RSPH14: variants seen among roughly 807,000 people sequenced by gnomAD.
The protein encoded by RSPH14 is radial spoke head 14 homolog.
In RSPH14, 20 loss-of-function variants were observed where a neutral mutation model predicts 26.7. That is an observed-to-expected ratio of 0.75 (90% CI 0.53 to 1.09). The LOEUF (loss-of-function observed/expected upper bound fraction) is 1.09. RSPH14 is among the 50% of genes least tolerant of loss of function. The probability of loss-of-function intolerance (pLI) is 0.00; values close to 1 mark genes in which losing one functional copy is unlikely to be tolerated. For missense variants in RSPH14, 449 were observed against 457.2 expected (o/e 0.98, Z 0.16); for synonymous variants, 177 against 189.3 (o/e 0.93, Z 0.53).
At chr22:23,065,123 A>C (rs9624019) in intron 4 of RSPH14, among the ~76,000 whole-genome samples, 28,282 of 152,134 alleles carry the variant, frequency 0.19, 3,456 homozygotes, top group East Asian at 0.35. Context: ...TAAACCCTCT[A>C]ATTTACTCTA....
At chr22:23,080,817 T>A (rs565028797) in intron 4 of RSPH14, among the ~76,000 whole-genome samples, 1 of 152,352 alleles carries the variant, frequency 6.6e-6, no homozygotes, top group South Asian at 2.1e-4. Context: ...TGAGGAAATC[T>A]TGGCGCGCAA....
intron 4 of RSPH14, among the ~76,000 whole-genome samples, chr22:23,115,524 G>A (rs939517119): frequency 5.9e-5 from 9 of 152,164 alleles, no homozygotes; most frequent in Non-Finnish European, 1.0e-4. Context: ...AGGGGGTCTC[G>A]GGTTGCCCAG....
chr22:23,079,664 G>C (rs1488334073), intron 4 of RSPH14, among the ~76,000 whole-genome samples: 1 of 152,218 alleles, frequency 6.6e-6, no homozygotes, highest in Non-Finnish European at 1.5e-5. Flanking sequence ...GGCACAGGGG[G>C]CTGGAGACAG....
chr22:23,119,656 T>C (rs896846231), intron 4 of RSPH14, among the ~76,000 whole-genome samples: 2 of 152,202 alleles, frequency 1.3e-5, no homozygotes, highest in Non-Finnish European at 2.9e-5. Flanking sequence ...GTGGAGCCCA[T>C]GTGCAGTGAA....
the RSPH14 span, chr22:23,161,004 T>A: frequency 3.8e-6 from 6 of 1,599,032 alleles, no homozygotes; most frequent in South Asian, 6.6e-5. Flanking sequence ...AATCCGTGAG[T>A]ATAGGTGTGA....
intron 4 of RSPH14, 72 bp from the exon 5 acceptor site, chr22:23,064,205 G>A: frequency 7.1e-7 from 1 of 1,400,318 alleles, no homozygotes; most frequent in African/African-American, 1.4e-5. Flanking sequence ...TGGCCTGCAG[G>A]GCTCAAGGAG....
At chr22:23,146,919 C>A (rs540327609), upstream of RSPH14, among the ~76,000 whole-genome samples, 1 of 152,270 alleles carries the variant, frequency 6.6e-6, no homozygotes, top group South Asian at 2.1e-4. Context: ...GATTTTGCAG[C>A]CAGACAGTCC....
At chr22:23,144,367 G>A (rs1716481254), upstream of RSPH14, among the ~76,000 whole-genome samples, 1 of 152,192 alleles carries the variant, frequency 6.6e-6, no homozygotes. Flanking sequence ...TTCAGTACAT[G>A]TAGGACAAAT....
intron 4 of RSPH14, chr22:23,095,990 G>A (rs1458257062): frequency 7.5e-6 from 12 of 1,609,638 alleles, no homozygotes; most frequent in East Asian, 2.2e-5. Flanking sequence ...CCACAACCCC[G>A]ACCGCGCCTA....
the RSPH14 span, chr22:23,150,304 C>CA: frequency 2.2e-6 from 1 of 444,524 alleles, no homozygotes; most frequent in Non-Finnish European, 4.1e-6. Flanking sequence ...TTTTTTTTTT[C>CA]TTTTTTTTTT....
intron 4 of RSPH14, among the ~76,000 whole-genome samples, chr22:23,129,984 CAA>C (rs1310819539): frequency 3.0e-3 from 357 of 118,110 alleles, no homozygotes; most frequent in African/African-American, 0.011. Context: ...GAGAAAGAGA[CAA>C]AGAGAGAAAG....
intron 4 of RSPH14, among the ~76,000 whole-genome samples, chr22:23,092,439 G>A (rs992009848): frequency 1.3e-4 from 20 of 152,098 alleles, no homozygotes; most frequent in African/African-American, 4.8e-4. Flanking sequence ...AATTCTGGGT[G>A]GGGCCTTCTG....
chr22:23,146,036 C>G (rs1272015881), upstream of RSPH14: 2 of 983,874 alleles, frequency 2.0e-6, no homozygotes, highest in Non-Finnish European at 2.4e-6. Flanking sequence ...GTAAGGTAAG[C>G]TCAGAGGGGA....
chr22:23,098,381 G>A (rs2069186407), intron 4 of RSPH14, among the ~76,000 whole-genome samples: 1 of 152,230 alleles, frequency 6.6e-6, no homozygotes, highest in African/African-American at 2.4e-5. Context: ...GAGCTCCTCG[G>A]GGCAGGCCCT....
At chr22:23,119,051 G>A (rs971096353) in intron 4 of RSPH14, among the ~76,000 whole-genome samples, 7 of 152,226 alleles carry the variant, frequency 4.6e-5, no homozygotes, top group African/African-American at 1.7e-4. Context: ...GCATGCTGGG[G>A]CTTCTTGCTT....
the RSPH14 span, among the ~76,000 whole-genome samples, chr22:23,170,976 CTTTTT>C: frequency 2.7e-5 from 4 of 150,672 alleles, no homozygotes; most frequent in South Asian, 8.5e-4. Flanking sequence ...CTTTTTTCTT[CTTTTT>C]TTTTCAAGGT....
chr22:23,059,619 G>GT lies in RSPH14; in HGVS notation c.889dup (p.Thr297AsnfsTer63). 6.2e-7 allele frequency: 1 copy of GT among 1,612,470 alleles called. No individual in the cohort carries two copies. Among genetic ancestry groups the GT allele is most frequent in the South Asian group, 1.1e-5 (1 of 91,016 alleles). ...GCCCTCGGGGGCCTCTGCCAGCATGGTAAGGGCCTTGGTGGCATTCAGGCG... is the reference window on the plus strand; with the variant it reads ...GCCCTCGGGGGCCTCTGCCAGCATGGTTAAGGGCCTTGGTGGCATTCAGGCG... On this transcript the variant is annotated frameshift_variant, in exon 7 of 7. Transcript: ENST00000216036. LOFTEE classifies it low-confidence loss of function (END_TRUNC).
the RSPH14 span, chr22:23,152,591 G>A: frequency 6.7e-7 from 1 of 1,490,004 alleles, no homozygotes; most frequent in Middle Eastern, 1.7e-4. Context: ...CCTTTGCCTG[G>A]GTGGCCCAGA....
intron 3 of RSPH14, chr22:23,136,181 T>A (rs2070480177): frequency 1.5e-6 from 1 of 687,888 alleles, no homozygotes; most frequent in African/African-American, 1.8e-5. Context: ...GTGTGCCTCC[T>A]CACCAGAGGC....
Sources: gnomAD v4.1 joint callset for allele counts (sites outside exome capture counted in the v4.1 genomes callset) on GRCh38, gnomAD v4.1.1 for gene constraint, MANE v1.5 for transcripts, NCBI Gene and HGNC (gene_info 2026-07-23, HGNC 2026-07-21) for gene names.